The following MID1 variants were observed in gnomAD, a reference collection of about 807,000 sequenced individuals.
MID1 encodes E3 ubiquitin-protein ligase Midline-1.
A neutral mutation model predicts 40.4 loss-of-function variants in MID1; 7 were observed. The ratio of observed to expected loss-of-function variants is 0.17; its 90% CI spans 0.10 to 0.33. MID1 has a LOEUF of 0.33. Among genes scored for constraint, MID1 ranks in the 10% least tolerant of loss-of-function variants. The pLI is 1.00. For missense variants in MID1, 367 were observed against 558.5 expected, an observed-to-expected ratio of 0.66 and a Z score of 3.46; for synonymous variants, 229 against 221.2, an observed-to-expected ratio of 1.04 and a Z score of -0.31.
intron 1 of MID1, among the ~76,000 whole-genome samples, chrX:10,773,411 T>C (rs911036966): frequency 9.8e-5 from 11 of 112,461 alleles, no homozygotes; most frequent in African/African-American, 3.5e-4. Flanking sequence ...TTCTGACCAA[T>C]GAAGAGAAGA....
chrX:10,689,451 G>T (rs1407545250), intron 1 of MID1, among the ~76,000 whole-genome samples: 1 of 111,497 alleles, frequency 9.0e-6, no homozygotes, highest in Non-Finnish European at 1.9e-5. Flanking sequence ...CCTCCCATCA[G>T]TTCCCTCCCC....
intron 8 of MID1, 129 bp downstream of exon 8, chrX:10,459,517 G>A: frequency 1.4e-6 from 1 of 726,100 alleles, no homozygotes; most frequent in Non-Finnish European, 2.1e-6. Context: ...ATTCCACACT[G>A]GCTTTTTACT....
intron 1 of MID1, among the ~76,000 whole-genome samples, chrX:10,655,897 C>T (rs1439990363): frequency 9.0e-6 from 1 of 110,695 alleles, no homozygotes; most frequent in African/African-American, 3.3e-5. Context: ...TGCCAGCTGA[C>T]TGCAGACACA....
In MID1 at chrX:10,449,663, T is replaced by C; in HGVS notation, c.1709A>G (p.Lys570Arg). 8.3e-7 allele frequency: 1 copy of C among 1,211,705 alleles called. No individual in the cohort carries two copies. The change falls in exon 10 of 10, where the codon AAG (lysine) becomes AGG (arginine). Residue 570 changes from lysine to arginine, a missense_variant. Physicochemically the swap from Lys to Arg is conservative, Grantham distance 26 (BLOSUM62 2). Coordinates refer to ENST00000317552, the MANE Select transcript of MID1 (RefSeq NM_000381.4). ...KSAPKHEWIG[K>R]NSASWALCRC... Reference sequence around the variant, plus strand: ...GCAGAGCGCCCAGGAAGCAGAGTTCTTCCCAATCCATTCATGCTTCGGGGC... The same window carrying C: ...GCAGAGCGCCCAGGAAGCAGAGTTCCTCCCAATCCATTCATGCTTCGGGGC...
chrX:10,754,281 A>G (rs1351578288), intron 1 of MID1, among the ~76,000 whole-genome samples: 2 of 111,066 alleles, frequency 1.8e-5, no homozygotes, highest in African/African-American at 6.7e-5. Context: ...GTCTTATTAG[A>G]AAAGAATAGA....
rs2044008994 is a variant in MID1, at chrX:10,801,685, C to T, written c.-187+31869G>A. On this transcript the variant is annotated intron_variant, in intron 1 of 10. Transcript: ENST00000380785. Reference sequence around the variant, plus strand: ...AACTGGACCCCCACCTTTCATCATACACAAAAATTAACTCAAGATGGAATA... The same window carrying T: ...AACTGGACCCCCACCTTTCATCATATACAAAAATTAACTCAAGATGGAATA... 3.6e-5 allele frequency among the ~76,000 whole-genome samples: 4 copies of T among 111,946 alleles called. No homozygotes were observed. In the South Asian group the frequency reaches 1.5e-3, roughly 41 times the overall value.
intron 1 of MID1, among the ~76,000 whole-genome samples, chrX:10,808,252 C>T (rs984416967): frequency 8.9e-6 from 1 of 111,792 alleles, no homozygotes; most frequent in Non-Finnish European, 1.9e-5. Flanking sequence ...CTATGCTGTC[C>T]TTCTCTGTGA....
intron 1 of MID1, among the ~76,000 whole-genome samples, chrX:10,666,649 G>A (rs188245040): frequency 5.2e-4 from 58 of 111,679 alleles, no homozygotes; most frequent in African/African-American, 1.8e-3. Context: ...ACAATTAAAG[G>A]GGGTGTGGGG....
intron 2 of MID1, among the ~76,000 whole-genome samples, chrX:10,544,925 T>G (rs1323856643): frequency 8.9e-6 from 1 of 112,525 alleles, no homozygotes; most frequent in Admixed American, 9.4e-5. Flanking sequence ...CTATTTCCTT[T>G]CAAAGCTAAG....
rs551829815 is a variant in MID1 at position 10,831,782 on chromosome X, C to T, written c.-187+1772G>A. ...CAAAAACCCTATGCATACACCGCCC[C>T]CTTGCCCTCCTTACCCCAGGAGACT... On this transcript the variant is annotated intron_variant, in intron 1 of 10. Coordinates refer to the MID1 transcript ENST00000380785. 9.9e-5 allele frequency among the ~76,000 whole-genome samples: 11 copies of T among 111,567 alleles called. No homozygotes were observed. The South Asian group carries it at 3.9e-3, about 39-fold the overall frequency.
At chrX:10,757,842 T>C (rs114839579) in intron 1 of MID1, among the ~76,000 whole-genome samples, 4,054 of 111,870 alleles carry the variant, frequency 0.036, 161 homozygotes, top group African/African-American at 0.12. Context: ...ACTCAATATG[T>C]ACCAGAAAAA....
chrX:10,703,492 C>A (rs1247463239), intron 1 of MID1, among the ~76,000 whole-genome samples: 1 of 110,972 alleles, frequency 9.0e-6, no homozygotes, highest in Non-Finnish European at 1.9e-5. Context: ...ATAGTGAAAC[C>A]CCATCACTAC....
intron 1 of MID1, among the ~76,000 whole-genome samples, chrX:10,687,766 T>G (rs185114172): frequency 3.8e-4 from 43 of 111,965 alleles, no homozygotes; most frequent in African/African-American, 1.2e-3. Context: ...CAGTCTGGAG[T>G]GCAGTGACGT....
At chrX:10,790,101 G>A (rs924560185) in intron 1 of MID1, among the ~76,000 whole-genome samples, 2 of 110,673 alleles carry the variant, frequency 1.8e-5, no homozygotes, top group Admixed American at 1.9e-4. Flanking sequence ...CTTATGTTTC[G>A]TATCATGACC....
In MID1 at chrX:10,676,625, T is replaced by C. The variant is rs187493685; in HGVS notation, c.-186-56206A>G. Among the ~76,000 whole-genome samples, 12 of 111,088 alleles carry C rather than the reference T, an allele frequency of 1.1e-4. No homozygotes were observed. In the East Asian group the frequency reaches 3.1e-3, roughly 29 times the overall value. On this transcript the variant is annotated intron_variant, in intron 1 of 10. Transcript: ENST00000380785. ...TGTTTGATTTCTTCCCAGCAACCTC[T>C]CCCAGGATTTTTCTCACAAAGCACT...
Position 10,817,791 on chromosome X carries a change from G to T in MID1, c.-187+15763C>A, listed in dbSNP as rs759355780. 1.4e-4 allele frequency among the ~76,000 whole-genome samples: 15 copies of T among 108,946 alleles called. No individual in the cohort carries two copies. The South Asian group carries it at 5.5e-3, about 40-fold the overall frequency. The allele number at this position is 108,946 out of a possible 115,157, so 94.6% of individuals were successfully genotyped here. On this transcript the variant is annotated intron_variant, in intron 1 of 10. Coordinates refer to the MID1 transcript ENST00000380785. The stretch of plus-strand genomic sequence containing the variant: ...TGCGCCACCACGCCTGGCAATTTTT[G>T]TACTTTTAGTAGAGACGGGGTTTTG...
chrX:10,509,983 A>G (rs1932032840), intron 3 of MID1, among the ~76,000 whole-genome samples: 1 of 112,426 alleles, frequency 8.9e-6, no homozygotes, highest in Non-Finnish European at 1.9e-5. Flanking sequence ...AACTGCATCT[A>G]TGTCAACAAT....
intron 1 of MID1, among the ~76,000 whole-genome samples, chrX:10,817,568 CTTTCTCTCTT>C (rs1569177990): frequency 1.4e-4 from 12 of 86,980 alleles, no homozygotes; most frequent in African/African-American, 4.2e-4. Flanking sequence ...TTCTTTCTTT[CTTTCTCTCTT>C]TCTTTCTTTC....
At chrX:10,693,893 C>G (rs955256003) in intron 1 of MID1, among the ~76,000 whole-genome samples, 4 of 112,009 alleles carry the variant, frequency 3.6e-5, no homozygotes, top group Non-Finnish European at 7.5e-5. Context: ...ATGAGACCTA[C>G]GGAATGGGAG....
Sources: allele counts gnomAD v4.1 joint callset (sites outside exome capture counted in the v4.1 genomes callset), GRCh38; gene constraint gnomAD v4.1.1; transcripts MANE v1.5; gene names NCBI Gene and HGNC (gene_info 2026-07-23, HGNC 2026-07-21).